Variants in ZNF717 observed in about 807,000 individuals in gnomAD.
ZNF717 encodes the protein krueppel-like factor X17.
A neutral mutation model predicts 13.8 loss-of-function variants in ZNF717; 9 were observed. That is an observed-to-expected ratio of 0.65 (90% CI 0.39 to 1.14). The LOEUF (loss-of-function observed/expected upper bound fraction) is 1.14, where lower values mean the gene tolerates loss of function less well. Among genes scored for constraint, ZNF717 ranks in the 50% most tolerant of loss-of-function variants. The pLI, the probability that ZNF717 is intolerant of heterozygous loss-of-function variation, is 0.01. For missense variants in ZNF717, 1,040 were observed against 1,080.7 expected, an observed-to-expected ratio of 0.96 and a Z score of 0.53; for synonymous variants, 327 against 364.1, an observed-to-expected ratio of 0.90 and a Z score of 1.16.
chr3:75,759,577 T>C (rs1942798506), intron 2 of ZNF717, among the ~76,000 whole-genome samples: 1 of 151,820 alleles, frequency 6.6e-6, no homozygotes, highest in Admixed American at 6.6e-5. Context: ...CAGGCAATTT[T>C]TATTTTTTTG....
intron 2 of ZNF717, among the ~76,000 whole-genome samples, chr3:75,754,754 G>A (rs1201692861): frequency 6.6e-6 from 1 of 152,112 alleles, no homozygotes; most frequent in East Asian, 1.9e-4. Flanking sequence ...ATACCAGGAG[G>A]AGAAGAAATA....
intron 1 of ZNF717, chr3:75,785,159 G>A (rs190541049): frequency 1.6e-4 from 25 of 152,420 alleles, no homozygotes; most frequent in African/African-American, 5.8e-4. Context: ...TGGGAATGGG[G>A]AACGTCTCCC....
chr3:75,742,469 G>C (rs1401331853), intron 2 of ZNF717, among the ~76,000 whole-genome samples: 1 of 151,414 alleles, frequency 6.6e-6, no homozygotes. Flanking sequence ...ATAAGAGAAG[G>C]AGAAAATAAG....
Position 75,738,775 on chromosome 3 carries a change from T to A in ZNF717, c.848A>T (p.Tyr283Phe). 4.9e-6 allele frequency: 7 copies of A among 1,423,810 alleles called. No homozygotes were observed. Among genetic ancestry groups the A allele is most frequent in the East Asian group, 2.6e-5 (1 of 38,592 alleles). 88.2% of individuals were successfully genotyped at this position (1,423,810 alleles called of 1,614,324 possible). ...HQQTHTGEKP[Y>F]ECVECEKPSI... ...GGGTTTCTCACATTCAACACATTCA[T>A]AGGGTTTCTCTCCTGTGTGTGTCTG... is the stretch of plus-strand genomic sequence containing the variant. The change falls in exon 5 of 5, where the codon TAT becomes TTT. Residue 283 changes from tyrosine to phenylalanine, a missense_variant. Tyr to Phe is a conservative substitution (Grantham distance 22). Coordinates refer to ENST00000652011, the MANE Select transcript of ZNF717 (RefSeq NM_001290208.3).
At chr3:75,755,645 A>T (rs1427779508) in intron 2 of ZNF717, among the ~76,000 whole-genome samples, 1 of 142,582 alleles carries the variant, frequency 7.0e-6, no homozygotes, top group African/African-American at 2.5e-5. Context: ...ACAGTGGGAT[A>T]GTGTTATATG....
In ZNF717 at chr3:75,737,206, C is replaced by A; in HGVS notation, c.2417G>T (p.Arg806Ile). The A allele has an allele frequency of 6.4e-7, 1 of 1,554,366 alleles. No homozygotes were observed. Among genetic ancestry groups the A allele is most frequent in the East Asian group, 2.4e-5 (1 of 41,022 alleles). The change falls in exon 5 of 5, where the codon AGA (arginine) becomes ATA (isoleucine). Residue 806 changes from arginine (R) to isoleucine (I), a missense_variant. Transcript: ENST00000652011. ...YDKTVLTIHQ[R>I]THTGEKPFEC... ...AAATGGCTTCTCACCTGTGTGAGTT[C>A]TCTGATGTATGGTGAGAACTGTCTT...
exon 6 of ZNF717, chr3:75,730,410 A>G (rs2106900599): frequency 2.1e-6 from 1 of 479,182 alleles, no homozygotes; most frequent in African/African-American, 2.0e-5. Flanking sequence ...AAAGGGTAAA[A>G]AGGGGAGTTT....
chr3:75,781,482 C>T (rs549755746), intron 2 of ZNF717, among the ~76,000 whole-genome samples: 1 of 152,276 alleles, frequency 6.6e-6, no homozygotes, highest in East Asian at 1.9e-4. Flanking sequence ...AGAACTAACA[C>T]AGAAGAATTT....
chr3:75,735,553 A>G, downstream of ZNF717, among the ~76,000 whole-genome samples: 1 of 36,824 alleles, frequency 2.7e-5, no homozygotes, highest in African/African-American at 1.1e-4. Flanking sequence ...ACTGAGGTGG[A>G]AGGATCACTT....
intron 2 of ZNF717, among the ~76,000 whole-genome samples, chr3:75,749,760 A>G (rs62266550): frequency 0.028 from 4,153 of 150,686 alleles, 100 homozygotes; most frequent in Admixed American, 0.077. Flanking sequence ...CTCCAGAACA[A>G]TGCTGCTGGA....
intron 2 of ZNF717, among the ~76,000 whole-genome samples, chr3:75,758,474 A>G (rs1942689731): frequency 6.7e-6 from 1 of 148,364 alleles, no homozygotes; most frequent in Admixed American, 6.7e-5. Flanking sequence ...ATGATTTACA[A>G]TAATACATAA....
chr3:75,731,984 T>G (rs1377036140), downstream of ZNF717: 10 of 689,492 alleles, frequency 1.5e-5, no homozygotes, highest in East Asian at 8.1e-5. Flanking sequence ...TGCTGAAGGT[T>G]CCATATGGAC....
chr3:75,758,076 T>C (rs1441122483), intron 2 of ZNF717, among the ~76,000 whole-genome samples: 16 of 147,072 alleles, frequency 1.1e-4, no homozygotes, highest in Non-Finnish European at 2.4e-4. Context: ...TGAGATCGTG[T>C]TGTCACTGCA....
chr3:75,742,961 T>C (rs11716667), intron 2 of ZNF717, among the ~76,000 whole-genome samples: 39,473 of 150,984 alleles, frequency 0.26, 2,895 homozygotes, highest in Non-Finnish European at 0.36. Flanking sequence ...ATCACAATAG[T>C]CCCATAAGAT....
At chr3:75,696,671 T>A (rs1937606162) in intron 6 of ZNF717, among the ~76,000 whole-genome samples, 1 of 152,280 alleles carries the variant, frequency 6.6e-6, no homozygotes, top group African/African-American at 2.4e-5. Flanking sequence ...GGTGGGCAGA[T>A]CATCTGAGTT....
At chr3:75,739,535 A>T (rs549004056) in intron 4 of ZNF717, among the ~76,000 whole-genome samples, 190 bp from the exon 5 acceptor site, 274 of 152,290 alleles carry the variant, frequency 1.8e-3, no homozygotes, top group African/African-American at 5.9e-3. Flanking sequence ...TATATTTTCT[A>T]ATGTTCAATT....
downstream of ZNF717, among the ~76,000 whole-genome samples, chr3:75,705,385 T>C (rs1389038683): frequency 5.9e-5 from 9 of 152,278 alleles, no homozygotes; most frequent in Admixed American, 2.6e-4. Context: ...TTCTATATGT[T>C]TGATGGAGGA....
chr3:75,782,769 G>A (rs532637677), intron 2 of ZNF717, among the ~76,000 whole-genome samples: 7 of 150,184 alleles, frequency 4.7e-5, no homozygotes, highest in Admixed American at 1.3e-4. Context: ...GACGATGACC[G>A]TTTCCACTGC....
chr3:75,754,911 T>C (rs1053804519), intron 2 of ZNF717, among the ~76,000 whole-genome samples: 1 of 150,266 alleles, frequency 6.7e-6, no homozygotes, highest in East Asian at 2.0e-4. Flanking sequence ...CTATATGAAA[T>C]AAAAGACAAA....
Sources: allele counts gnomAD v4.1 joint callset (sites outside exome capture counted in the v4.1 genomes callset), GRCh38; gene constraint gnomAD v4.1.1; transcripts MANE v1.5; gene names NCBI Gene and HGNC (gene_info 2026-07-23, HGNC 2026-07-21).